The following SDK1 variants were observed in gnomAD, a reference collection of about 807,000 sequenced individuals.
SDK1 encodes sidekick cell adhesion molecule 1.
SDK1 carries 157 observed loss-of-function variants against 245.5 expected under a neutral mutation model. That is an observed-to-expected ratio of 0.64 (90% CI 0.56 to 0.73). The LOEUF is 0.73. Ranked by LOEUF, SDK1 falls within the 30% of genes least tolerant of loss-of-function variation. The pLI is 0.00. For missense variants in SDK1, 3,583 were observed against 3,002.3 expected, an observed-to-expected ratio of 1.19 and a Z score of -4.52; for synonymous variants, 1,647 against 1,278.5, an observed-to-expected ratio of 1.29 and a Z score of -6.15.
At chr7:3,529,965 T>C (rs545748514) in intron 1 of SDK1, among the ~76,000 whole-genome samples, 72 of 152,286 alleles carry the variant, frequency 4.7e-4, no homozygotes, top group Middle Eastern at 3.4e-3. Context: ...CCTGAACTCT[T>C]ACTATTATGT....
At chr7:4,155,333 C>A (rs1018884606) in intron 30 of SDK1, among the ~76,000 whole-genome samples, 1 of 152,164 alleles carries the variant, frequency 6.6e-6, no homozygotes, top group Non-Finnish European at 1.5e-5. Flanking sequence ...ACGCTAAGAA[C>A]CCTGCTCTCT....
At chr7:3,466,979 T>TACACACACACAC (rs11269597) in intron 1 of SDK1, among the ~76,000 whole-genome samples, 1,631 of 127,510 alleles carry the variant, frequency 0.013, 18 homozygotes, top group African/African-American at 0.021. Flanking sequence ...TCTCTCTCTC[T>TACACACACACAC]ACACACACAC....
intron 1 of SDK1, among the ~76,000 whole-genome samples, chr7:3,379,712 C>T (rs1343996582): frequency 6.6e-6 from 1 of 152,140 alleles, no homozygotes; most frequent in Non-Finnish European, 1.5e-5. Flanking sequence ...AATGGAAAAG[C>T]ATGAATTTAT....
At chr7:4,044,546 C>G (rs1005249163) in intron 17 of SDK1, among the ~76,000 whole-genome samples, 2 of 152,156 alleles carry the variant, frequency 1.3e-5, no homozygotes, top group African/African-American at 4.8e-5. Context: ...TGGGCTCAAA[C>G]CATCCTCCCA....
At chr7:3,563,796 G>A (rs1779822572) in intron 1 of SDK1, among the ~76,000 whole-genome samples, 1 of 152,046 alleles carries the variant, frequency 6.6e-6, no homozygotes, top group African/African-American at 2.4e-5. Flanking sequence ...CGTGTATTAT[G>A]CCATATAAGA....
intron 2 of SDK1, among the ~76,000 whole-genome samples, chr7:3,629,788 A>C (rs1469524258): frequency 6.6e-6 from 1 of 152,256 alleles, no homozygotes; most frequent in Non-Finnish European, 1.5e-5. Flanking sequence ...AAGATCATCA[A>C]GCATATGCAG....
At chr7:3,315,900 A>C (rs940695894) in intron 1 of SDK1, among the ~76,000 whole-genome samples, 1 of 152,066 alleles carries the variant, frequency 6.6e-6, no homozygotes, top group African/African-American at 2.4e-5. Flanking sequence ...TGTTGGAAAA[A>C]AGCATGCCAT....
intron 1 of SDK1, among the ~76,000 whole-genome samples, chr7:3,463,273 G>C (rs959525275): frequency 6.6e-6 from 1 of 151,340 alleles, no homozygotes; most frequent in Non-Finnish European, 1.5e-5. Flanking sequence ...ATATCTTTTT[G>C]TTTTTGTTTT....
At chr7:3,901,624 C>G (rs1256833239) in intron 5 of SDK1, among the ~76,000 whole-genome samples, 2 of 152,152 alleles carry the variant, frequency 1.3e-5, no homozygotes, top group Non-Finnish European at 2.9e-5. Context: ...GTGCATTTTT[C>G]CTTTGTGAGT....
At chr7:3,794,800 T>C (rs912264829) in intron 4 of SDK1, among the ~76,000 whole-genome samples, 20 of 152,214 alleles carry the variant, frequency 1.3e-4, no homozygotes, top group Non-Finnish European at 1.5e-5. Flanking sequence ...ATCCATGCTC[T>C]ACGTGGACAT....
chr7:4,079,182 G>A (rs181964361), intron 21 of SDK1, among the ~76,000 whole-genome samples: 2 of 152,278 alleles, frequency 1.3e-5, no homozygotes, highest in South Asian at 2.1e-4. Flanking sequence ...ACAGAGATGC[G>A]TAAGACATGA....
intron 4 of SDK1, among the ~76,000 whole-genome samples, chr7:3,775,293 T>C (rs1780520579): frequency 6.6e-6 from 1 of 152,220 alleles, no homozygotes; most frequent in African/African-American, 2.4e-5. Context: ...TATGTAATTG[T>C]CATTTTGTAA....
chr7:3,447,182 TATTC>T (rs2128590435), intron 1 of SDK1, among the ~76,000 whole-genome samples: 1 of 152,330 alleles, frequency 6.6e-6, no homozygotes, highest in East Asian at 1.9e-4. Context: ...TATTAGATAT[TATTC>T]ATTAACCTAT....
chr7:3,608,256 A>G (rs1022524971), intron 1 of SDK1, among the ~76,000 whole-genome samples: 7 of 152,342 alleles, frequency 4.6e-5, no homozygotes, highest in Middle Eastern at 6.8e-3. Flanking sequence ...TGAATTACAT[A>G]TAAACTCTTC....
At chr7:3,611,108 T>G (rs564003357) in intron 1 of SDK1, among the ~76,000 whole-genome samples, 20 of 152,314 alleles carry the variant, frequency 1.3e-4, no homozygotes, top group South Asian at 4.1e-4. Context: ...TAGAGAGAGA[T>G]AAGGTAAAAT....
At chr7:3,346,381 C>G (rs1263741349) in intron 1 of SDK1, among the ~76,000 whole-genome samples, 1 of 152,122 alleles carries the variant, frequency 6.6e-6, no homozygotes, top group Non-Finnish European at 1.5e-5. Flanking sequence ...CACTTTCTTC[C>G]TAGGCTTGTC....
At chr7:3,950,303 A>G (rs1780751390) in intron 5 of SDK1, among the ~76,000 whole-genome samples, 1 of 152,070 alleles carries the variant, frequency 6.6e-6, no homozygotes, top group African/African-American at 2.4e-5. Flanking sequence ...GGGCCATGAA[A>G]TTTGGGTTTC....
At chr7:4,240,331 G>A (rs751080244) in intron 42 of SDK1, among the ~76,000 whole-genome samples, 1 of 152,064 alleles carries the variant, frequency 6.6e-6, no homozygotes, top group Non-Finnish European at 1.5e-5. Flanking sequence ...AATGTCTCCC[G>A]TCCTGCCCAG....
intron 1 of SDK1, among the ~76,000 whole-genome samples, chr7:3,602,887 T>G (rs1377365862): frequency 6.6e-6 from 1 of 152,172 alleles, no homozygotes; most frequent in African/African-American, 2.4e-5. Flanking sequence ...GTTTCAGCTT[T>G]CTACATATGG....
Sources: allele counts gnomAD v4.1 joint callset (sites outside exome capture counted in the v4.1 genomes callset), GRCh38; gene constraint gnomAD v4.1.1; transcripts MANE v1.5; gene names NCBI Gene and HGNC (gene_info 2026-07-23, HGNC 2026-07-21).